VOPP1: variants seen among roughly 807,000 people sequenced by gnomAD.
VOPP1 encodes VOPP1 WW domain binding protein.
A neutral mutation model predicts 23.5 loss-of-function variants in VOPP1; 8 were observed. That is an observed-to-expected ratio of 0.34 (90% CI 0.20 to 0.61). The LOEUF (loss-of-function observed/expected upper bound fraction) is 0.61, where lower values mean the gene tolerates loss of function less well. VOPP1 is among the 20% of genes least tolerant of loss of function. The probability of loss-of-function intolerance (pLI) is 0.78; values close to 1 mark genes in which losing one functional copy is unlikely to be tolerated. For synonymous variants in VOPP1, 83 were observed against 97.3 expected (o/e 0.85, Z 0.86); for missense variants, 174 against 238.1 (o/e 0.73, Z 1.77).
intron 1 of VOPP1, among the ~76,000 whole-genome samples, chr7:55,552,408 G>A (rs913963068): frequency 2.0e-5 from 3 of 152,142 alleles, no homozygotes; most frequent in African/African-American, 2.4e-5. Flanking sequence ...TAAATCAAAT[G>A]GCTGCCTCTA....
intron 2 of VOPP1, among the ~76,000 whole-genome samples, chr7:55,505,134 GAT>G (rs1198658905): frequency 3.3e-5 from 5 of 152,178 alleles, no homozygotes; most frequent in African/African-American, 1.2e-4. Flanking sequence ...TGACATGAAG[GAT>G]ATGAGTCAAG....
intron 4 of VOPP1, among the ~76,000 whole-genome samples, chr7:55,486,512 A>AT (rs1440332396): frequency 6.6e-6 from 1 of 152,174 alleles, no homozygotes; most frequent in Non-Finnish European, 1.5e-5. Flanking sequence ...CAGAGACAGA[A>AT]TGTCAGATGC....
At chr7:55,550,081 C>T (rs900270832) in intron 1 of VOPP1, among the ~76,000 whole-genome samples, 40 of 152,334 alleles carry the variant, frequency 2.6e-4, no homozygotes, top group Admixed American at 1.8e-3. Context: ...GGCGCTACTC[C>T]CCAGAACAAG....
intron 1 of VOPP1, among the ~76,000 whole-genome samples, chr7:55,545,892 G>C (rs12056052): frequency 0.093 from 13,955 of 149,422 alleles, 894 homozygotes; most frequent in East Asian, 0.27. Context: ...CACACAGCAA[G>C]ACCCCAACTC....
At chr7:55,481,908 G>A (rs1418326225) in intron 4 of VOPP1, among the ~76,000 whole-genome samples, 3 of 152,084 alleles carry the variant, frequency 2.0e-5, no homozygotes, top group South Asian at 2.1e-4. Flanking sequence ...TTCTACAAAC[G>A]TATTCGGACA....
At chr7:55,529,364 C>CAAA (rs58601889) in intron 1 of VOPP1, among the ~76,000 whole-genome samples, 1 of 107,478 alleles carries the variant, frequency 9.3e-6, no homozygotes, top group African/African-American at 4.3e-5. Flanking sequence ...GATTCCGTCT[C>CAAA]AAAAAAAAAA....
Position 55,472,035 on chromosome 7 carries a change from G to C in VOPP1, c.*820C>G, listed in dbSNP as rs1791858728. 1 of 152,236 alleles carries C rather than the reference G, an allele frequency of 6.6e-6. No individual in the cohort carries two copies. The highest frequency in any genetic ancestry group is 6.5e-5 in the Admixed American group (1 of 15,292). 9.4% of individuals were successfully genotyped at this position (152,236 alleles called of 1,614,324 possible). A position where few individuals can be genotyped will look rare whatever the true frequency, so the allele number is the denominator to read the frequency against. On this transcript the variant is annotated 3_prime_UTR_variant, in exon 5 of 5. Coordinates refer to ENST00000285279, the MANE Select transcript of VOPP1 (RefSeq NM_030796.5). ...CACCCAGTCTGATTTCAAAGGGCAG[G>C]ACGCTCTACATGCACTTCCATAAAC...
intron 2 of VOPP1, among the ~76,000 whole-genome samples, chr7:55,500,998 A>G (rs886873003): frequency 7.2e-5 from 11 of 152,216 alleles, no homozygotes; most frequent in Non-Finnish European, 1.5e-5. Context: ...GGAAATTTCA[A>G]AGACCATGGT....
At chr7:55,461,731 T>C (rs1220877320) in intron 4 of VOPP1, among the ~76,000 whole-genome samples, 4 of 152,196 alleles carry the variant, frequency 2.6e-5, no homozygotes, top group African/African-American at 9.6e-5. Context: ...AGTCTATATC[T>C]TTCAAGTGGG....
chr7:55,541,886 T>C (rs1288344523), intron 1 of VOPP1, among the ~76,000 whole-genome samples: 1 of 152,192 alleles, frequency 6.6e-6, no homozygotes, highest in African/African-American at 2.4e-5. Context: ...AGTAGATTAA[T>C]GGTTGCTCAG....
chr7:55,529,293 A>G (rs1349246667), intron 1 of VOPP1, among the ~76,000 whole-genome samples: 1 of 143,002 alleles, frequency 7.0e-6, no homozygotes, highest in African/African-American at 2.7e-5. Context: ...TGAACCTGGG[A>G]GGCGGAGGTT....
At chr7:55,483,566 C>A (rs1369861883) in intron 4 of VOPP1, among the ~76,000 whole-genome samples, 1 of 152,128 alleles carries the variant, frequency 6.6e-6, no homozygotes, top group African/African-American at 2.4e-5. Flanking sequence ...AGCTCTCTCT[C>A]GGGTTCCTTT....
chr7:55,475,764 T>C (rs779211506), intron 4 of VOPP1, among the ~76,000 whole-genome samples: 5 of 152,062 alleles, frequency 3.3e-5, no homozygotes, highest in African/African-American at 4.8e-5. Context: ...CTCCACAAGA[T>C]GGGGTAGAAA....
downstream of VOPP1, chr7:55,470,521 C>T (rs1791752591): frequency 6.7e-6 from 1 of 148,574 alleles, no homozygotes; most frequent in Admixed American, 6.8e-5. Flanking sequence ...CACCTCACCC[C>T]ACTGAACCAA....
chr7:55,518,040 A>G (rs117656315), intron 2 of VOPP1, among the ~76,000 whole-genome samples: 1,673 of 152,316 alleles, frequency 0.011, 11 homozygotes, highest in Middle Eastern at 0.02. Context: ...CACTGAGTCT[A>G]TAGCACTAAT....
chr7:55,481,222 G>A (rs1384942229), intron 4 of VOPP1, among the ~76,000 whole-genome samples: 1 of 152,238 alleles, frequency 6.6e-6, no homozygotes, highest in Non-Finnish European at 1.5e-5. Flanking sequence ...AGTGGCAGCA[G>A]GGGAGTGAGC....
chr7:55,534,397 T>A (rs150353981), intron 1 of VOPP1, among the ~76,000 whole-genome samples: 1,656 of 152,326 alleles, frequency 0.011, 11 homozygotes, highest in Middle Eastern at 0.02. Context: ...CAATTCTCAC[T>A]TCCCCTGAAG....
At chr7:55,437,254 AG>A (rs1790855480) in intron 4 of VOPP1, among the ~76,000 whole-genome samples, 1 of 152,174 alleles carries the variant, frequency 6.6e-6, no homozygotes, top group Non-Finnish European at 1.5e-5. Flanking sequence ...GTCCCCACGG[AG>A]GCCGCCTCGT....
At chr7:55,512,223 C>T (rs950255478) in intron 2 of VOPP1, among the ~76,000 whole-genome samples, 2 of 152,060 alleles carry the variant, frequency 1.3e-5, no homozygotes, top group Admixed American at 1.3e-4. Flanking sequence ...GTCAGGAGTT[C>T]GAGACCAGCC....
Sources: gnomAD v4.1 joint callset for allele counts (sites outside exome capture counted in the v4.1 genomes callset) on GRCh38, gnomAD v4.1.1 for gene constraint, MANE v1.5 for transcripts, NCBI Gene and HGNC (gene_info 2026-07-23, HGNC 2026-07-21) for gene names.